AGBL4: variants seen among roughly 807,000 people sequenced by gnomAD.
AGBL4 encodes the protein AGBL carboxypeptidase 4, also known as cytosolic carboxypeptidase 6.
Under a neutral mutation model 66.4 loss-of-function variants are expected in AGBL4, and 58 were observed. The ratio of observed to expected loss-of-function variants is 0.87; its 90% confidence interval spans 0.71 to 1.09. The LOEUF is 1.09. Among genes scored for constraint, AGBL4 ranks in the 50% least tolerant of loss-of-function variants. AGBL4 has a pLI of 0.00. For missense variants in AGBL4, 579 were observed against 631.0 expected (o/e 0.92, Z 0.88); for synonymous variants, 234 against 222.9 (o/e 1.05, Z -0.44).
intron 5 of AGBL4, among the ~76,000 whole-genome samples, chr1:48,993,796 T>A (rs1478732862): frequency 1.3e-5 from 2 of 152,098 alleles, no homozygotes; most frequent in Non-Finnish European, 2.9e-5. Flanking sequence ...TGAGTTCCAA[T>A]ACAAAGTCCC....
chr1:48,924,045 G>A (rs1055525252), intron 5 of AGBL4, among the ~76,000 whole-genome samples: 1 of 152,028 alleles, frequency 6.6e-6, no homozygotes, highest in Non-Finnish European at 1.5e-5. Flanking sequence ...CTACCCAGAT[G>A]TATATAATAA....
intron 3 of AGBL4, among the ~76,000 whole-genome samples, chr1:49,360,950 C>T (rs1557869259): frequency 2.6e-5 from 4 of 152,038 alleles, no homozygotes; most frequent in African/African-American, 7.2e-5. Context: ...GCACCTGCCA[C>T]CACACCTGGC....
chr1:48,600,325 G>A (rs1158142325), intron 9 of AGBL4, among the ~76,000 whole-genome samples: 3 of 152,178 alleles, frequency 2.0e-5, no homozygotes, highest in African/African-American at 4.8e-5. Flanking sequence ...AGCTATGGGG[G>A]AGGATAATAA....
chr1:49,486,298 A>G (rs1647065343), intron 3 of AGBL4, among the ~76,000 whole-genome samples: 1 of 151,998 alleles, frequency 6.6e-6, no homozygotes, highest in African/African-American at 2.4e-5. Flanking sequence ...CATCATATGT[A>G]TTGTTCTTTT....
chr1:49,199,731 T>C (rs1057101083), intron 4 of AGBL4, among the ~76,000 whole-genome samples: 1 of 152,194 alleles, frequency 6.6e-6, no homozygotes, highest in African/African-American at 2.4e-5. Context: ...GACTAATTAG[T>C]TCAGTTCTCC....
intron 4 of AGBL4, among the ~76,000 whole-genome samples, chr1:49,067,498 T>C (rs1336286145): frequency 6.6e-6 from 1 of 152,188 alleles, no homozygotes; most frequent in Admixed American, 6.5e-5. Context: ...AGTTTATTCC[T>C]ATTCTATTGC....
chr1:49,240,656 C>T (rs1651158111), intron 4 of AGBL4, among the ~76,000 whole-genome samples: 1 of 150,580 alleles, frequency 6.6e-6, no homozygotes, highest in Non-Finnish European at 1.5e-5. Context: ...TTCTCAGAGC[C>T]TTATCCTAAT....
chr1:49,496,044 C>T (rs1270597691), intron 3 of AGBL4, among the ~76,000 whole-genome samples: 2 of 151,980 alleles, frequency 1.3e-5, no homozygotes, highest in African/African-American at 2.4e-5. Flanking sequence ...CCCACAGACA[C>T]CTGTACACAG....
chr1:49,029,436 T>C (rs1464874569), intron 5 of AGBL4, among the ~76,000 whole-genome samples: 1 of 152,108 alleles, frequency 6.6e-6, no homozygotes, highest in Non-Finnish European at 1.5e-5. Context: ...TTATTTACAA[T>C]AGCCTCAAAA....
chr1:49,625,249 T>A (rs1645443374), intron 3 of AGBL4, among the ~76,000 whole-genome samples: 1 of 152,202 alleles, frequency 6.6e-6, no homozygotes, highest in African/African-American at 2.4e-5. Flanking sequence ...AAATTAATCA[T>A]AATGCCACTT....
intron 3 of AGBL4, among the ~76,000 whole-genome samples, chr1:49,491,179 T>A (rs1647178244): frequency 6.6e-6 from 1 of 151,770 alleles, no homozygotes; most frequent in African/African-American, 2.4e-5. Flanking sequence ...AGTTTAATAT[T>A]TACTCTGTTT....
chr1:48,890,440 A>G (rs1225031939), intron 5 of AGBL4, among the ~76,000 whole-genome samples: 2 of 152,204 alleles, frequency 1.3e-5, no homozygotes, highest in Admixed American at 6.5e-5. Flanking sequence ...AATTTATTGG[A>G]GTAAGAATCT....
At chr1:49,245,886 G>T in intron 3 of AGBL4, 22 bp from the exon 4 acceptor site, 2 of 1,484,612 alleles carry the variant, frequency 1.3e-6, no homozygotes, top group Non-Finnish European at 1.8e-6. Flanking sequence ...AGAGGGAGAA[G>T]TTCATCTTTA....
intron 11 of AGBL4, among the ~76,000 whole-genome samples, chr1:48,549,081 G>T (rs1412118820): frequency 6.6e-6 from 1 of 152,080 alleles, no homozygotes; most frequent in African/African-American, 2.4e-5. Flanking sequence ...CTCCCACCTA[G>T]AATTCATTTT....
At chr1:49,170,549 A>G (rs868751405) in intron 4 of AGBL4, among the ~76,000 whole-genome samples, 131 of 145,934 alleles carry the variant, frequency 9.0e-4, no homozygotes, top group South Asian at 7.2e-3. Context: ...ATACATTAAT[A>G]TACAAATATG....
intron 3 of AGBL4, among the ~76,000 whole-genome samples, chr1:49,488,401 T>C (rs907369803): frequency 1.3e-5 from 2 of 151,638 alleles, no homozygotes; most frequent in Non-Finnish European, 2.9e-5. Context: ...TTTTTATTAA[T>C]TTTTAATTTT....
intron 3 of AGBL4, among the ~76,000 whole-genome samples, chr1:49,589,556 G>A (rs944221766): frequency 2.0e-5 from 3 of 151,612 alleles, no homozygotes; most frequent in African/African-American, 7.3e-5. Flanking sequence ...AAAGTTATAT[G>A]CAAATCACCA....
rs185732140 is a variant in AGBL4 at position 49,499,159 on chromosome 1, A to G, written c.282+198154T>C. ...TTAATTCTTCTTTAAATGTGGTAGA[A>G]TCAGCAATAAGACCATCAAGAGATG... is the stretch of plus-strand genomic sequence containing the variant. On this transcript the variant is annotated intron_variant, in intron 3 of 13. Coordinates refer to ENST00000371839, the MANE Select transcript of AGBL4 (RefSeq NM_032785.4). Among the ~76,000 whole-genome samples the G allele has an allele frequency of 2.6e-3, 395 of 152,044 alleles. 1 individual carries two copies. The highest frequency in any genetic ancestry group is 9.1e-3 in the African/African-American group (376 of 41,532).
intron 3 of AGBL4, among the ~76,000 whole-genome samples, chr1:49,479,042 C>G (rs1646901173): frequency 6.6e-6 from 1 of 151,788 alleles, no homozygotes; most frequent in Admixed American, 6.6e-5. Context: ...ATCATACTCA[C>G]TGAAAGGAAG....
Sources: gnomAD v4.1 joint callset for allele counts (sites outside exome capture counted in the v4.1 genomes callset) on GRCh38, gnomAD v4.1.1 for gene constraint, MANE v1.5 for transcripts, NCBI Gene and HGNC (gene_info 2026-07-23, HGNC 2026-07-21) for gene names.